Variants in ADGB observed in about 807,000 individuals in gnomAD.
ADGB encodes the protein androglobin.
In ADGB, 172 loss-of-function variants were observed where a neutral mutation model predicts 210.5. The ratio of observed to expected loss-of-function variants is 0.82; its 90% confidence interval spans 0.72 to 0.93. ADGB has a LOEUF of 0.93. ADGB is among the 40% of genes least tolerant of loss of function. The pLI is 0.00. For missense variants in ADGB, 2,025 were observed against 1,964.8 expected, an observed-to-expected ratio of 1.03 and a Z score of -0.58; for synonymous variants, 658 against 662.7, an observed-to-expected ratio of 0.99 and a Z score of 0.11.
At chr6:146,610,258 A>T (rs762885165) in intron 1 of ADGB, among the ~76,000 whole-genome samples, 8 of 152,144 alleles carry the variant, frequency 5.3e-5, no homozygotes, top group Non-Finnish European at 8.8e-5. Flanking sequence ...TGGATTCCTT[A>T]AATTTGTTGG....
At chr6:146,691,623 T>A (rs1259383293) in intron 11 of ADGB, among the ~76,000 whole-genome samples, 1 of 138,742 alleles carries the variant, frequency 7.2e-6, no homozygotes, top group East Asian at 2.2e-4. Context: ...TTCTCCTGCC[T>A]CAGCCTCCTG....
chr6:146,671,282 T>G (rs969175956), intron 7 of ADGB, among the ~76,000 whole-genome samples: 1 of 152,122 alleles, frequency 6.6e-6, no homozygotes, highest in African/African-American at 2.4e-5. Context: ...ACAGCGAGAC[T>G]GGCTTGTGCA....
At position 146,716,891 on chromosome 6, in the gene ADGB, G is replaced by T; in HGVS notation, c.1750G>T (p.Glu584Ter). 6.5e-7 allele frequency: 1 copy of T among 1,548,042 alleles called. No individual in the cohort carries two copies. The highest frequency in any genetic ancestry group is 8.7e-7 in the Non-Finnish European group (1 of 1,145,162). The change falls in exon 15 of 36, where the codon GAA becomes TAA. Residue 584 changes from glutamate to a stop codon, truncating the protein, a stop_gained. Coordinates refer to ENST00000397944, the MANE Select transcript of ADGB (RefSeq NM_024694.4). LOFTEE classifies it high-confidence loss of function. ...SQVILGKGTD[E>*]QTDFGLGDAH... Reference sequence around the variant, plus strand: ...ACATGTGTGTCTTCTAGGCACAGATGAACAAACAGACTTTGGATTGGGTGA... The same window carrying T: ...ACATGTGTGTCTTCTAGGCACAGATTAACAAACAGACTTTGGATTGGGTGA...
intron 1 of ADGB, among the ~76,000 whole-genome samples, chr6:146,612,308 G>A (rs1180769032): frequency 1.3e-5 from 2 of 152,180 alleles, no homozygotes; most frequent in Admixed American, 1.3e-4. Context: ...TTAAGCTCAT[G>A]TTCAAGTGGA....
chr6:146,754,223 G>A (rs957530386), intron 27 of ADGB, among the ~76,000 whole-genome samples: 2 of 150,092 alleles, frequency 1.3e-5, no homozygotes, highest in African/African-American at 4.9e-5. Flanking sequence ...CTTCTCAATG[G>A]GTTTGTATAA....
intron 6 of ADGB, among the ~76,000 whole-genome samples, chr6:146,665,334 G>GT (rs761391576): frequency 1.3e-5 from 2 of 151,888 alleles, no homozygotes; most frequent in East Asian, 3.9e-4. Context: ...CTTCATATCT[G>GT]TTTTTTCCTT....
Position 146,656,862 on chromosome 6 carries a change from A to C in ADGB, c.494A>C (p.Glu165Ala). Residue 165 changes from glutamate (E) to alanine (A), a missense_variant, in exon 5 of 36, where the codon GAA becomes GCA. Coordinates refer to ENST00000397944, the MANE Select transcript of ADGB (RefSeq NM_024694.4). ...LSNYFKGTSG[E>A]PPLLPWKPWE... is the part of the protein sequence containing the mutation. ...AATTATTTTAAGGGGACTTCAGGGGAACCTCCTCTTCTCCCCTGGAAGCCC... is the reference window on the plus strand; with the variant it reads ...AATTATTTTAAGGGGACTTCAGGGGCACCTCCTCTTCTCCCCTGGAAGCCC... The C allele has an allele frequency of 1.3e-6, 2 of 1,551,584 alleles. No homozygotes were observed. The highest frequency in any genetic ancestry group is 1.7e-6 in the Non-Finnish European group (2 of 1,146,746).
At chr6:146,621,941 T>C (rs1780901122) in intron 1 of ADGB, among the ~76,000 whole-genome samples, 1 of 152,164 alleles carries the variant, frequency 6.6e-6, no homozygotes, top group Non-Finnish European at 1.5e-5. Flanking sequence ...TGGTATTATA[T>C]GTTTAAGCTT....
chr6:146,718,981 A>G (rs557825713), intron 16 of ADGB, among the ~76,000 whole-genome samples: 1 of 152,350 alleles, frequency 6.6e-6, no homozygotes, highest in African/African-American at 2.4e-5. Context: ...AGAGTATGAT[A>G]TCAGCATAAT....
chr6:146,625,387 T>G (rs1180616120), intron 1 of ADGB, among the ~76,000 whole-genome samples: 1 of 152,152 alleles, frequency 6.6e-6, no homozygotes, highest in Non-Finnish European at 1.5e-5. Flanking sequence ...TTTTGTTCAG[T>G]GTTAACATGG....
rs9485117 is a variant in ADGB, at chr6:146,721,281, G to T, written c.1993-122G>T. On this transcript the variant is annotated intron_variant, in intron 16 of 35. Transcript: ENST00000397944. ...ATTAGATTCATAAAGTATTTATTGT[G>T]GTGCCTACAACACAGTAAGTTTCCT... is the stretch of plus-strand genomic sequence containing the variant. 2.1e-4 allele frequency: 134 copies of T among 627,028 alleles called. No individual in the cohort carries two copies. In the African/African-American group the frequency reaches 2.2e-3, roughly 10 times the overall value. The allele number at this position is 627,028 out of a possible 1,614,324, so 38.8% of individuals were successfully genotyped here.
At chr6:146,652,862 G>A (rs372781308) in intron 3 of ADGB, among the ~76,000 whole-genome samples, 2 of 152,050 alleles carry the variant, frequency 1.3e-5, no homozygotes, top group South Asian at 4.1e-4. Context: ...AAGTTTTCAG[G>A]TTTAGCTTCA....
Position 146,691,236 on chromosome 6 carries a change from C to T in ADGB, c.1432C>T (p.Pro478Ser), listed in dbSNP as rs1435763806. Reference protein sequence around the residue: ...VAPPKPPPLPPWKLIRQKKET... With the variant: ...VAPPKPPPLPSWKLIRQKKET... Reference sequence around the variant, plus strand: ...ACCACCAAAACCACCTCCTCTACCTCCCTGGAAACTCATTCGTCAAAAAAA... The same window carrying T: ...ACCACCAAAACCACCTCCTCTACCTTCCTGGAAACTCATTCGTCAAAAAAA... The change falls in exon 11 of 36, where the codon CCC becomes TCC. Residue 478 changes from proline to serine, a missense_variant. By Grantham distance (74) the Pro-to-Ser change is moderately conservative (BLOSUM62 -1). Transcript: ENST00000397944. The T allele has an allele frequency of 6.5e-7, 1 of 1,548,218 alleles. No homozygotes were observed. Among genetic ancestry groups the T allele is most frequent in the Non-Finnish European group, 8.7e-7 (1 of 1,146,204 alleles).
intron 29 of ADGB, among the ~76,000 whole-genome samples, chr6:146,771,169 T>C (rs1039659988): frequency 1.3e-5 from 2 of 152,094 alleles, no homozygotes; most frequent in Non-Finnish European, 2.9e-5. Context: ...CACAGGCGGT[T>C]GGCTTTGGCA....
intron 13 of ADGB, among the ~76,000 whole-genome samples, chr6:146,706,659 A>C (rs916783259): frequency 6.6e-6 from 1 of 152,054 alleles, no homozygotes; most frequent in Non-Finnish European, 1.5e-5. Flanking sequence ...TGTTTCTTCT[A>C]GGTTATCCAA....
At chr6:146,785,475 C>T in intron 31 of ADGB, 135 bp from the exon 32 acceptor site, 2 of 527,974 alleles carry the variant, frequency 3.8e-6, no homozygotes, top group East Asian at 2.9e-5. Context: ...AAGAGCTGGT[C>T]TGCTTCATTT....
At position 146,621,672 on chromosome 6, in the gene ADGB, T is replaced by C. The variant is rs184019018; in HGVS notation, c.75-13703T>C. Among the ~76,000 whole-genome samples, 129 of 152,272 alleles carry C rather than the reference T, an allele frequency of 8.5e-4. 2 individuals carry two copies. Among genetic ancestry groups the C allele is most frequent in the Admixed American group, 6.6e-3 (101 of 15,290 alleles). ...GGGAGATATTCTTGTCTTTTAATAGTTTCAAGTTGAATTTCTGTGGGGGAA... is the reference window on the plus strand; with the variant it reads ...GGGAGATATTCTTGTCTTTTAATAGCTTCAAGTTGAATTTCTGTGGGGGAA... On this transcript the variant is annotated intron_variant, in intron 1 of 35. Coordinates refer to ENST00000397944, the MANE Select transcript of ADGB (RefSeq NM_024694.4).
At chr6:146,722,368 G>C (rs1012122022) in intron 17 of ADGB, among the ~76,000 whole-genome samples, 1 of 151,970 alleles carries the variant, frequency 6.6e-6, no homozygotes, top group Admixed American at 6.6e-5. Flanking sequence ...CTTTTTCTCT[G>C]TCCATCACAG....
chr6:146,790,260 T>C (rs1276814812), intron 33 of ADGB, among the ~76,000 whole-genome samples: 1 of 152,176 alleles, frequency 6.6e-6, no homozygotes, highest in Non-Finnish European at 1.5e-5. Flanking sequence ...CACCAAGCTA[T>C]GCAATAGAAC....
Sources: allele counts gnomAD v4.1 joint callset (sites outside exome capture counted in the v4.1 genomes callset), GRCh38; gene constraint gnomAD v4.1.1; transcripts MANE v1.5; gene names NCBI Gene and HGNC (gene_info 2026-07-23, HGNC 2026-07-21).